Variants in OSBPL3 observed in about 807,000 individuals in gnomAD.
OSBPL3 encodes the protein oxysterol-binding protein-related protein 3.
OSBPL3 carries 65 observed loss-of-function variants against 120.1 expected under a neutral mutation model. That is an observed-to-expected ratio of 0.54 (90% CI 0.44 to 0.67). The LOEUF is 0.67. Ranked by LOEUF, OSBPL3 falls within the 30% of genes least tolerant of loss-of-function variation. The pLI is 0.00. For missense variants in OSBPL3, 1,004 were observed against 1,082.1 expected (o/e 0.93, Z 1.01); for synonymous variants, 416 against 402.6 (o/e 1.03, Z -0.40).
At position 24,883,417 on chromosome 7, in the gene OSBPL3, G is replaced by A. The variant is rs1200836881; in HGVS notation, c.96+8960C>T. On this transcript the variant is annotated intron_variant, in intron 2 of 22. Transcript: ENST00000313367. This position sits in a 1 kb window ranked among gnomAD's most constrained non-coding sequence, Gnocchi z 5.4. ...CTCCCCAGGAAAGAGCTATTGAATC[G>A]GTCAGCTCAGTTCACATTTGCATCA... is the stretch of plus-strand genomic sequence containing the variant. Among the ~76,000 whole-genome samples, 1 of 152,062 alleles carries A rather than the reference G, an allele frequency of 6.6e-6. No individual in the cohort carries two copies. The highest frequency in any genetic ancestry group is 2.4e-5 in the African/African-American group (1 of 41,396).
intron 1 of OSBPL3, among the ~76,000 whole-genome samples, chr7:24,961,329 G>C (rs1387834268): frequency 6.6e-6 from 1 of 152,170 alleles, no homozygotes; most frequent in Non-Finnish European, 1.5e-5. Context: ...GGCTCACCAT[G>C]ATCTAGCCAC....
intron 1 of OSBPL3, among the ~76,000 whole-genome samples, chr7:24,934,863 G>A (rs1167006565): frequency 6.6e-6 from 1 of 152,156 alleles, no homozygotes; most frequent in Non-Finnish European, 1.5e-5. Context: ...TAATTTTGCT[G>A]AAATGCCTTC....
chr7:24,956,331 T>A (rs1347586282), intron 1 of OSBPL3, among the ~76,000 whole-genome samples: 1 of 152,268 alleles, frequency 6.6e-6, no homozygotes, highest in African/African-American at 2.4e-5. Flanking sequence ...GCGCAAAGGA[T>A]GCCAGTGGAT....
rs2128505785 is a variant in OSBPL3 at position 24,955,768 on chromosome 7, T to C, written c.-150+24118A>G. Among the ~76,000 whole-genome samples the C allele has an allele frequency of 6.6e-6, 1 of 152,338 alleles. No homozygotes were observed. Among genetic ancestry groups the C allele is most frequent in the East Asian group, 1.9e-4 (1 of 5,184 alleles). The stretch of plus-strand genomic sequence containing the variant: ...TCCATGAGGGCAGGGACTTTGTTTG[T>C]TGTTGTATCCCCTGGACCCACAAGG... On this transcript the variant is annotated intron_variant, in intron 1 of 22. Coordinates refer to ENST00000313367, the MANE Select transcript of OSBPL3 (RefSeq NM_015550.4). The surrounding 1 kb of genome is among the most constrained non-coding windows in gnomAD (Gnocchi z 4.3).
intron 19 of OSBPL3, among the ~76,000 whole-genome samples, chr7:24,811,231 A>G (rs370139632): frequency 1.5e-4 from 23 of 152,256 alleles, no homozygotes; most frequent in African/African-American, 3.9e-4. Context: ...ATATGAGGTG[A>G]TATCTCATTG....
intron 22 of OSBPL3, among the ~76,000 whole-genome samples, 163 bp from the exon 23 acceptor site, chr7:24,800,442 T>C (rs1199035791): frequency 1.3e-5 from 2 of 148,714 alleles, no homozygotes; most frequent in Non-Finnish European, 3.0e-5. Flanking sequence ...TGTCCAGAAA[T>C]AATTTTGTTA....
chr7:24,920,151 C>A (rs1810217156), intron 1 of OSBPL3, among the ~76,000 whole-genome samples: 1 of 152,030 alleles, frequency 6.6e-6, no homozygotes, highest in East Asian at 1.9e-4. Context: ...GGTATAAACC[C>A]AGACATATGA....
chr7:24,861,050 T>C (rs1181514047), intron 10 of OSBPL3, among the ~76,000 whole-genome samples: 1 of 152,226 alleles, frequency 6.6e-6, no homozygotes, highest in African/African-American at 2.4e-5. Context: ...AAGCAATGTA[T>C]GACAGATTAA....
In OSBPL3 at chr7:24,980,122, G is replaced by A. The variant is rs1337654569; in HGVS notation, c.-386C>T. The A allele has an allele frequency of 1.8e-5, 16 of 874,120 alleles. No individual in the cohort carries two copies. The highest frequency in any genetic ancestry group is 6.2e-5 in the Admixed American group (1 of 16,140). 54.1% of individuals were successfully genotyped at this position (874,120 alleles called of 1,614,324 possible). ...GCGCTCAAGTCCCCTCTCCCGGGCC[G>A]GCTGGCGGGCGCCACCAGCACGCGG... On this transcript the variant is annotated 5_prime_UTR_variant, in exon 1 of 23. Coordinates refer to ENST00000313367, the MANE Select transcript of OSBPL3 (RefSeq NM_015550.4).
intron 1 of OSBPL3, among the ~76,000 whole-genome samples, chr7:24,924,883 T>C (rs1258972140): frequency 2.6e-5 from 4 of 152,202 alleles, no homozygotes; most frequent in Admixed American, 6.5e-5. Flanking sequence ...GGTGGTCTGC[T>C]TGTCTTCCCT....
chr7:24,922,457 T>G lies in OSBPL3; in HGVS notation c.-149-29836A>C, dbSNP rs1156229212. Among the ~76,000 whole-genome samples the G allele has an allele frequency of 6.6e-6, 1 of 152,166 alleles. No individual in the cohort carries two copies. Among genetic ancestry groups the G allele is most frequent in the Non-Finnish European group, 1.5e-5 (1 of 68,032 alleles). On this transcript the variant is annotated intron_variant, in intron 1 of 22. Coordinates refer to ENST00000313367, the MANE Select transcript of OSBPL3 (RefSeq NM_015550.4). The surrounding 1 kb of genome is among the most constrained non-coding windows in gnomAD (Gnocchi z 4.3). The stretch of plus-strand genomic sequence containing the variant: ...CGTGGGAGGGAAATTAAGTTTTCGG[T>G]GGATACTGTGGTGCTTTTAGAGTTT...
rs994146662 is a variant in OSBPL3 at position 24,873,924 on chromosome 7, C to T, written c.97-1855G>A. On this transcript the variant is annotated intron_variant, in intron 2 of 22. Transcript: ENST00000313367. The surrounding 1 kb of genome is among the most constrained non-coding windows in gnomAD (Gnocchi z 4.1). ...CTTAGAGACTCCATAGGTACTCCAT[C>T]TTACTTTTCTGGAGGTTCACCACTT... Among the ~76,000 whole-genome samples the T allele has an allele frequency of 1.8e-4, 28 of 152,178 alleles. No homozygotes were observed. Among genetic ancestry groups the T allele is most frequent in the African/African-American group, 6.8e-4 (28 of 41,434 alleles).
chr7:24,866,867 C>T (rs889970131), intron 5 of OSBPL3, among the ~76,000 whole-genome samples: 1 of 152,132 alleles, frequency 6.6e-6, no homozygotes, highest in Non-Finnish European at 1.5e-5. Context: ...AATGGCCCAA[C>T]CTTGGCTCAC....
At chr7:24,903,253 G>C (rs889673325) in intron 1 of OSBPL3, among the ~76,000 whole-genome samples, 1 of 152,210 alleles carries the variant, frequency 6.6e-6, no homozygotes, top group Non-Finnish European at 1.5e-5. Flanking sequence ...CTTAGAACAA[G>C]TGAAAAATGA....
chr7:24,847,875 G>A (rs1402197439), intron 12 of OSBPL3, among the ~76,000 whole-genome samples: 1 of 152,192 alleles, frequency 6.6e-6, no homozygotes, highest in Non-Finnish European at 1.5e-5. Flanking sequence ...GTAATGTTTA[G>A]GTGCTCAATG....
chr7:24,847,973 C>A (rs922136962), intron 12 of OSBPL3, among the ~76,000 whole-genome samples: 1 of 152,214 alleles, frequency 6.6e-6, no homozygotes, highest in African/African-American at 2.4e-5. Context: ...TCATACTTAA[C>A]CACTAGCATG....
In OSBPL3 at chr7:24,932,144, T is replaced by C. The variant is rs1811863248; in HGVS notation, c.-149-39523A>G. The stretch of plus-strand genomic sequence containing the variant: ...CATAAACCAGTTCCCATAAACCATG[T>C]CTTATTTAATTAATAAGAAATGAAT... On this transcript the variant is annotated intron_variant, in intron 1 of 22. Coordinates refer to ENST00000313367, the MANE Select transcript of OSBPL3 (RefSeq NM_015550.4). The surrounding 1 kb of genome is among the most constrained non-coding windows in gnomAD (Gnocchi z 5.6). Among the ~76,000 whole-genome samples, 1 of 152,210 alleles carries C rather than the reference T, an allele frequency of 6.6e-6. No individual in the cohort carries two copies. The highest frequency in any genetic ancestry group is 6.5e-5 in the Admixed American group (1 of 15,286).
Position 24,922,450 on chromosome 7 carries a change from T to C in OSBPL3, c.-149-29829A>G, listed in dbSNP as rs571270133. ...TGACCAGCGTGGGAGGGAAATTAAG[T>C]TTTCGGTGGATACTGTGGTGCTTTT... On this transcript the variant is annotated intron_variant, in intron 1 of 22. Coordinates refer to ENST00000313367, the MANE Select transcript of OSBPL3 (RefSeq NM_015550.4). This position sits in a 1 kb window ranked among gnomAD's most constrained non-coding sequence, Gnocchi z 4.3. Among the ~76,000 whole-genome samples the C allele has an allele frequency of 6.6e-6, 1 of 152,230 alleles. No individual in the cohort carries two copies. Among genetic ancestry groups the C allele is most frequent in the South Asian group, 2.1e-4 (1 of 4,820 alleles).
chr7:24,848,290 C>G (rs971799777), intron 12 of OSBPL3, among the ~76,000 whole-genome samples: 2 of 152,218 alleles, frequency 1.3e-5, no homozygotes, highest in Non-Finnish European at 2.9e-5. Context: ...CACCTCTTGT[C>G]TATTACCTGC....
Sources: allele counts gnomAD v4.1 joint callset (sites outside exome capture counted in the v4.1 genomes callset), GRCh38; gene constraint gnomAD v4.1.1; non-coding constraint Gnocchi (gnomAD v3.1); transcripts MANE v1.5; gene names NCBI Gene and HGNC (gene_info 2026-07-23, HGNC 2026-07-21).